The following NPAS3 variants were observed in gnomAD, a reference collection of about 807,000 sequenced individuals.
The protein encoded by NPAS3 is neuronal PAS domain protein 3, also known as neuronal PAS domain-containing protein 3.
A neutral mutation model predicts 73.1 loss-of-function variants in NPAS3; 14 were observed. The observed-to-expected ratio is 0.19, with a 90% confidence interval of 0.13 to 0.30. NPAS3 has a LOEUF of 0.30. Ranked by LOEUF, NPAS3 falls within the 10% of genes least tolerant of loss-of-function variation. NPAS3 has a pLI of 1.00. For missense variants in NPAS3, 1,096 were observed against 1,250.0 expected (o/e 0.88, Z 1.86); for synonymous variants, 620 against 541.5 (o/e 1.14, Z -2.01).
chr14:33,798,810 A>G (rs2063589405), intron 11 of NPAS3, among the ~76,000 whole-genome samples: 1 of 152,144 alleles, frequency 6.6e-6, no homozygotes, highest in Admixed American at 6.5e-5. Flanking sequence ...CATTGAGCTT[A>G]TATACTAGTG....
intron 2 of NPAS3, among the ~76,000 whole-genome samples, chr14:33,212,245 G>A (rs182411382): frequency 5.6e-4 from 85 of 152,174 alleles, no homozygotes; most frequent in African/African-American, 2.0e-3. Flanking sequence ...CTTTATTGCA[G>A]TTGCCCACAA....
At chr14:33,589,035 T>C (rs1265442334) in intron 5 of NPAS3, among the ~76,000 whole-genome samples, 2 of 152,218 alleles carry the variant, frequency 1.3e-5, no homozygotes, top group Non-Finnish European at 2.9e-5. Context: ...AGAATCTTTC[T>C]CAAACCTCTA....
intron 6 of NPAS3, among the ~76,000 whole-genome samples, chr14:33,688,109 G>C (rs2060139218): frequency 6.6e-6 from 1 of 152,150 alleles, no homozygotes; most frequent in Non-Finnish European, 1.5e-5. Flanking sequence ...GGTTCAGAGG[G>C]TACATGTGCA....
intron 4 of NPAS3, among the ~76,000 whole-genome samples, chr14:33,394,960 A>G (rs530049156): frequency 2.0e-5 from 3 of 152,304 alleles, no homozygotes; most frequent in African/African-American, 4.8e-5. Flanking sequence ...TATTAGAATC[A>G]TCAAACTTGC....
At position 33,689,952 on chromosome 14, in the gene NPAS3, G is replaced by A. The variant is rs563805049; in HGVS notation, c.733+13567G>A. 7.9e-5 allele frequency among the ~76,000 whole-genome samples: 12 copies of A among 152,204 alleles called. No homozygotes were observed. The East Asian group carries it at 9.7e-4, about 12-fold the overall frequency. ...TCCAAGGGTTTGCAGCTTCTAGCCCGGCCTATTAAAATGTGTTCTGGTTAT... is the reference window on the plus strand; with the variant it reads ...TCCAAGGGTTTGCAGCTTCTAGCCCAGCCTATTAAAATGTGTTCTGGTTAT... On this transcript the variant is annotated intron_variant, in intron 6 of 11. Transcript: ENST00000356141.
chr14:33,331,318 C>T (rs921908365), intron 3 of NPAS3, among the ~76,000 whole-genome samples: 1 of 151,806 alleles, frequency 6.6e-6, no homozygotes, highest in African/African-American at 2.4e-5. Flanking sequence ...CAAACTTTTT[C>T]TTTTTTATTT....
intron 4 of NPAS3, among the ~76,000 whole-genome samples, chr14:33,550,818 T>G (rs2139693355): frequency 6.6e-6 from 1 of 152,314 alleles, no homozygotes; most frequent in Admixed American, 6.5e-5. Flanking sequence ...ACATAGCCTC[T>G]AAGCGTCTGG....
At chr14:32,953,746 G>A (rs1412922288) in intron 1 of NPAS3, among the ~76,000 whole-genome samples, 1 of 152,094 alleles carries the variant, frequency 6.6e-6, no homozygotes, top group Non-Finnish European at 1.5e-5. Context: ...TTCCCACAGG[G>A]TGATAAAAAG....
At chr14:33,294,846 G>A (rs1171029874) in intron 3 of NPAS3, among the ~76,000 whole-genome samples, 1 of 152,134 alleles carries the variant, frequency 6.6e-6, no homozygotes, top group Admixed American at 6.5e-5. Context: ...TATCAGTGAT[G>A]AGCATGACCT....
intron 2 of NPAS3, among the ~76,000 whole-genome samples, chr14:33,108,915 T>C (rs989523685): frequency 3.9e-5 from 6 of 152,138 alleles, no homozygotes; most frequent in Non-Finnish European, 8.8e-5. Context: ...TATCTATTGG[T>C]GGAGTATTTT....
At chr14:33,295,674 T>A (rs1356513271) in intron 3 of NPAS3, among the ~76,000 whole-genome samples, 1 of 152,264 alleles carries the variant, frequency 6.6e-6, no homozygotes, top group South Asian at 2.1e-4. Context: ...TTTTCCCAAA[T>A]TTTAATTAGG....
intron 6 of NPAS3, among the ~76,000 whole-genome samples, chr14:33,692,199 T>G (rs1434429753): frequency 6.6e-6 from 1 of 152,144 alleles, no homozygotes; most frequent in African/African-American, 2.4e-5. Context: ...ATTATACAAC[T>G]GTTCAGATCT....
At chr14:33,082,444 TG>T (rs2041889264) in intron 2 of NPAS3, among the ~76,000 whole-genome samples, 1 of 152,260 alleles carries the variant, frequency 6.6e-6, no homozygotes, top group South Asian at 2.1e-4. Context: ...CCAGTTTAAA[TG>T]TAAACCCTTT....
chr14:33,309,418 G>A (rs1340926609), intron 3 of NPAS3, among the ~76,000 whole-genome samples: 4 of 152,146 alleles, frequency 2.6e-5, no homozygotes, highest in Non-Finnish European at 2.9e-5. Flanking sequence ...TATATTTAAT[G>A]CTGTTTAAAA....
chr14:33,029,371 A>AG (rs1407987582), intron 1 of NPAS3, among the ~76,000 whole-genome samples: 4 of 152,160 alleles, frequency 2.6e-5, no homozygotes, highest in Admixed American at 6.5e-5. Flanking sequence ...AAATGAAGGG[A>AG]GACTTTGATC....
chr14:33,325,503 G>T (rs754237425), intron 3 of NPAS3, among the ~76,000 whole-genome samples: 3 of 152,070 alleles, frequency 2.0e-5, no homozygotes, highest in Admixed American at 6.6e-5. Context: ...AAAATTAGCT[G>T]GTTGTGGTGG....
intron 4 of NPAS3, among the ~76,000 whole-genome samples, chr14:33,408,501 C>A (rs1447045725): frequency 6.6e-6 from 1 of 151,982 alleles, no homozygotes; most frequent in Non-Finnish European, 1.5e-5. Flanking sequence ...GATCAAATGC[C>A]TGTATATCTG....
chr14:33,387,808 A>G (rs958430421), intron 4 of NPAS3, among the ~76,000 whole-genome samples: 21 of 152,250 alleles, frequency 1.4e-4, no homozygotes, highest in African/African-American at 5.1e-4. Context: ...GTAATTATTT[A>G]CTGAGTCCTG....
At chr14:33,359,540 G>A (rs1411511712) in intron 3 of NPAS3, among the ~76,000 whole-genome samples, 1 of 152,176 alleles carries the variant, frequency 6.6e-6, no homozygotes, top group African/African-American at 2.4e-5. Flanking sequence ...GTCAGAGGAG[G>A]TGACAACAGT....
Sources: allele counts gnomAD v4.1 joint callset (sites outside exome capture counted in the v4.1 genomes callset), GRCh38; gene constraint gnomAD v4.1.1; transcripts MANE v1.5; gene names NCBI Gene and HGNC (gene_info 2026-07-23, HGNC 2026-07-21).